CNTN5: variants seen among roughly 807,000 people sequenced by gnomAD.
The protein encoded by CNTN5 is contactin-5.
In CNTN5, 77 loss-of-function variants were observed where a neutral mutation model predicts 129.1. That is an observed-to-expected ratio of 0.60 (90% CI 0.50 to 0.72). CNTN5 has a LOEUF of 0.72. Ranked by LOEUF, CNTN5 falls within the 30% of genes least tolerant of loss-of-function variation. The pLI is 0.00. For missense variants in CNTN5, 1,478 were observed against 1,328.8 expected (o/e 1.11, Z -1.75); for synonymous variants, 509 against 465.6 (o/e 1.09, Z -1.20).
At chr11:100,288,335 C>A (rs1016395183) in intron 18 of CNTN5, among the ~76,000 whole-genome samples, 1 of 151,960 alleles carries the variant, frequency 6.6e-6, no homozygotes, top group Non-Finnish European at 1.5e-5. Context: ...CACACCTATT[C>A]GAAAATTGAC....
intron 18 of CNTN5, among the ~76,000 whole-genome samples, chr11:100,282,308 C>G (rs1209442806): frequency 6.6e-6 from 1 of 152,212 alleles, no homozygotes; most frequent in Non-Finnish European, 1.5e-5. Flanking sequence ...GGGGACACCC[C>G]AAGCCCAGTA....
intron 1 of CNTN5, among the ~76,000 whole-genome samples, chr11:99,292,930 T>C (rs950578709): frequency 1.3e-5 from 2 of 152,174 alleles, no homozygotes; most frequent in African/African-American, 2.4e-5. Flanking sequence ...TATTCATGTA[T>C]AAGGCTGGCT....
At chr11:100,090,653 A>T (rs942972670) in intron 13 of CNTN5, among the ~76,000 whole-genome samples, 3 of 150,848 alleles carry the variant, frequency 2.0e-5, no homozygotes, top group Non-Finnish European at 4.4e-5. Context: ...CTACCAGGAG[A>T]TTCAGTGCCT....
chr11:99,736,254 A>ACC (rs1943706725), intron 3 of CNTN5, among the ~76,000 whole-genome samples: 1 of 152,200 alleles, frequency 6.6e-6, no homozygotes, highest in Non-Finnish European at 1.5e-5. Context: ...TATCTGTGGT[A>ACC]AGCAGGGTGG....
intron 3 of CNTN5, among the ~76,000 whole-genome samples, chr11:99,591,337 C>CT (rs10633238): frequency 0.34 from 38,501 of 112,458 alleles, 8,706 homozygotes; most frequent in Non-Finnish European, 0.45. Context: ...TCAACAAAAC[C>CT]TTTTTTTTTT....
rs1161467398 is a variant in CNTN5, at chr11:99,037,576, C to CTTTTTTTTTTTTT, written c.-210+16316_-210+16328dup. Among the ~76,000 whole-genome samples the CTTTTTTTTTTTTT allele has an allele frequency of 7.6e-5, 8 of 105,640 alleles. 1 individual carries two copies. Among genetic ancestry groups the CTTTTTTTTTTTTT allele is most frequent in the Non-Finnish European group, 1.5e-4 (8 of 51,688 alleles). 69.3% of individuals were successfully genotyped at this position (105,640 alleles called of 152,430 possible). On this transcript the variant is annotated intron_variant, in intron 1 of 24. Transcript: ENST00000524871. Reference sequence around the variant, plus strand: ...CATATTTTTCCTTCTTTTTTCTTTTCTTTTTTTTTTTTTTTTTTTTTTAAC... The same window carrying CTTTTTTTTTTTTT: ...CATATTTTTCCTTCTTTTTTCTTTTCTTTTTTTTTTTTTTTTTTTTTTTTTTTTTTTTTTTAAC...
intron 24 of CNTN5, among the ~76,000 whole-genome samples, chr11:100,351,771 G>A (rs552683038): frequency 6.6e-6 from 1 of 151,292 alleles, no homozygotes; most frequent in Admixed American, 6.6e-5. Context: ...GGGTAATTAG[G>A]AACATCATTT....
At chr11:99,762,171 T>C (rs1944604003) in intron 3 of CNTN5, among the ~76,000 whole-genome samples, 1 of 108,668 alleles carries the variant, frequency 9.2e-6, no homozygotes, top group Non-Finnish European at 2.0e-5. Context: ...ATTAGCCCTT[T>C]GTCAGATGAG....
intron 3 of CNTN5, among the ~76,000 whole-genome samples, chr11:99,591,337 C>CTTTTTT (rs10633238): frequency 2.5e-4 from 28 of 113,100 alleles, no homozygotes; most frequent in African/African-American, 4.9e-4. Context: ...TCAACAAAAC[C>CTTTTTT]TTTTTTTTTT....
chr11:99,430,626 CAT>C (rs997326894), intron 2 of CNTN5, among the ~76,000 whole-genome samples: 83 of 151,658 alleles, frequency 5.5e-4, no homozygotes, highest in African/African-American at 2.0e-3. Context: ...TATATACACA[CAT>C]GGAGAGAGAG....
chr11:99,837,585 C>A (rs1425991406), intron 4 of CNTN5, among the ~76,000 whole-genome samples: 3 of 151,152 alleles, frequency 2.0e-5, no homozygotes, highest in Admixed American at 6.6e-5. Flanking sequence ...GTCACATGGC[C>A]CCATGTCAAA....
chr11:99,710,492 G>T (rs1954929725), intron 3 of CNTN5, among the ~76,000 whole-genome samples: 1 of 151,808 alleles, frequency 6.6e-6, no homozygotes, highest in South Asian at 2.1e-4. Context: ...AGGATGGTAA[G>T]ACTGAATAGT....
intron 3 of CNTN5, among the ~76,000 whole-genome samples, chr11:99,711,000 C>T (rs1229373350): frequency 2.6e-5 from 4 of 151,908 alleles, no homozygotes; most frequent in Non-Finnish European, 4.4e-5. Flanking sequence ...ATGTGTCCCA[C>T]ATATTGCATA....
intron 3 of CNTN5, among the ~76,000 whole-genome samples, chr11:99,727,321 A>AAAAAAAAAAAAAAAAAAAAAAAAAAAAG (rs1319837016): frequency 1.7e-4 from 21 of 123,428 alleles, no homozygotes; most frequent in Non-Finnish European, 3.0e-4. Flanking sequence ...TCAAAAAAAA[A>AAAAAAAAAAAAAAAAAAAAAAAAAAAAG]AAAAAAAAAA....
rs1255453543 is a variant in CNTN5 at position 99,997,458 on chromosome 11, G to A, written c.878-4576G>A. The stretch of plus-strand genomic sequence containing the variant: ...CACTCTCCCAAGACTAAACCAGGAA[G>A]AAGTTGAATCTCTGAATAGACCAAC... On this transcript the variant is annotated intron_variant, in intron 8 of 24. Coordinates refer to ENST00000524871, the MANE Select transcript of CNTN5 (RefSeq NM_014361.4). Among the ~76,000 whole-genome samples the A allele has an allele frequency of 3.3e-5, 5 of 152,242 alleles. No individual in the cohort carries two copies. The East Asian group carries it at 9.7e-4, about 29-fold the overall frequency.
chr11:99,449,591 A>G (rs1944215176), intron 2 of CNTN5, among the ~76,000 whole-genome samples: 1 of 152,184 alleles, frequency 6.6e-6, no homozygotes, highest in Non-Finnish European at 1.5e-5. Context: ...ATTATTTCTC[A>G]TGATTCTGTG....
chr11:99,062,613 G>T (rs1195430323), intron 1 of CNTN5, among the ~76,000 whole-genome samples: 1 of 152,108 alleles, frequency 6.6e-6, no homozygotes, highest in Non-Finnish European at 1.5e-5. Flanking sequence ...ATAGGACAGA[G>T]ATACCCAGGA....
chr11:99,157,210 A>G (rs1343442762), intron 1 of CNTN5, among the ~76,000 whole-genome samples: 1 of 152,060 alleles, frequency 6.6e-6, no homozygotes, highest in Non-Finnish European at 1.5e-5. Context: ...CCTTCAAGAT[A>G]GAGAAGTATT....
intron 18 of CNTN5, among the ~76,000 whole-genome samples, chr11:100,288,013 G>C (rs559630765): frequency 2.4e-4 from 36 of 152,024 alleles, no homozygotes; most frequent in African/African-American, 8.7e-4. Context: ...GACAAAGAAG[G>C]CCATTACATA....
Sources: allele counts gnomAD v4.1 joint callset (sites outside exome capture counted in the v4.1 genomes callset), GRCh38; gene constraint gnomAD v4.1.1; transcripts MANE v1.5; gene names NCBI Gene and HGNC (gene_info 2026-07-23, HGNC 2026-07-21).